Variants in QSER1 observed in about 807,000 individuals in gnomAD.
QSER1 encodes the protein glutamine and serine rich 1, also known as glutamine and serine-rich protein 1.
In QSER1, 49 loss-of-function variants were observed where a neutral mutation model predicts 158.5. The observed-to-expected ratio is 0.31, with a 90% CI of 0.25 to 0.39. QSER1 has a LOEUF of 0.39. Among genes scored for constraint, QSER1 ranks in the 10% least tolerant of loss-of-function variants. The probability of loss-of-function intolerance (pLI) is 1.00; values close to 1 mark genes in which losing one functional copy is unlikely to be tolerated. For synonymous variants in QSER1, 650 were observed against 715.5 expected (o/e 0.91, Z 1.46); for missense variants, 1,754 against 2,010.3 (o/e 0.87, Z 2.44).
At chr11:32,917,835 A>C (rs12417599) in intron 1 of QSER1, among the ~76,000 whole-genome samples, 6,998 of 150,982 alleles carry the variant, frequency 0.046, 237 homozygotes, top group Non-Finnish European at 0.072. Flanking sequence ...AAAAAAAAAA[A>C]AAAAAAAAAC....
At chr11:32,969,812 G>A (rs994926945) in intron 10 of QSER1, among the ~76,000 whole-genome samples, 4 of 151,608 alleles carry the variant, frequency 2.6e-5, no homozygotes, top group African/African-American at 7.3e-5. Flanking sequence ...AGCCTCCTGA[G>A]TAGCTGGGAC....
chr11:32,976,606 C>A lies in QSER1; in HGVS notation c.*132C>A. 1 of 978,192 alleles carries A rather than the reference C, an allele frequency of 1.0e-6. No individual in the cohort carries two copies. The highest frequency in any genetic ancestry group is 2.6e-5 in the East Asian group (1 of 37,846). 60.6% of individuals were successfully genotyped at this position (978,192 alleles called of 1,614,324 possible). ...TCCATCATGGAACTGTCATTACCAC[C>A]TCTGCTGAAGGACAGTGGTGCGGCC... On this transcript the variant is annotated 3_prime_UTR_variant, in exon 13 of 13. Transcript: ENST00000650167.
chr11:32,931,989 T>A lies in QSER1; in HGVS notation c.731T>A (p.Phe244Tyr). Residue 244 changes from phenylalanine to tyrosine, a missense_variant, in exon 4 of 13, where the codon TTT becomes TAT. Physicochemically the swap from Phe to Tyr is conservative, Grantham distance 22 (BLOSUM62 3). Coordinates refer to ENST00000650167, the MANE Select transcript of QSER1 (RefSeq NM_001076786.3). Reference sequence around the variant, plus strand: ...GGAACTGTTCCAACTGCTTTGGCATTTGAGCGCCTGGGCAGTTCTGTATTA... The same window carrying A: ...GGAACTGTTCCAACTGCTTTGGCATATGAGCGCCTGGGCAGTTCTGTATTA... Reference protein sequence around the residue: ...SQGTVPTALAFERLGSSVLSN... With the variant: ...SQGTVPTALAYERLGSSVLSN... 6.2e-7 allele frequency: 1 copy of A among 1,614,240 alleles called. No homozygotes were observed. The highest frequency in any genetic ancestry group is 1.6e-4 in the Middle Eastern group (1 of 6,062).
intron 11 of QSER1, 83 bp from the exon 12 acceptor site, chr11:32,975,165 A>G: frequency 1.1e-6 from 1 of 925,844 alleles, no homozygotes. Flanking sequence ...TGCCATTGAG[A>G]CTTTTGATCT....
intron 1 of QSER1, among the ~76,000 whole-genome samples, chr11:32,897,044 T>C (rs1461453650): frequency 6.6e-6 from 1 of 152,252 alleles, no homozygotes. Context: ...AGCTGTCATT[T>C]ACATCACTAG....
intron 4 of QSER1, among the ~76,000 whole-genome samples, chr11:32,944,126 C>CT (rs1374640930): frequency 2.0e-5 from 3 of 152,006 alleles, no homozygotes; most frequent in African/African-American, 4.8e-5. Context: ...TCTTCTCTCT[C>CT]TTTTTCTTAA....
rs1203596213 is a variant in QSER1, at chr11:32,893,772, G to A, written c.209+438G>A. On this transcript the variant is annotated intron_variant, in intron 1 of 12. Transcript: ENST00000650167. This position sits in a 1 kb window ranked among gnomAD's most constrained non-coding sequence, Gnocchi z 4.7. The stretch of plus-strand genomic sequence containing the variant: ...GGTCTTGGGGACTCCGGCGTGTGAG[G>A]GTTGCGGAGGCGGGAGAGGAAGAGT... Among the ~76,000 whole-genome samples the A allele has an allele frequency of 2.6e-5, 4 of 152,184 alleles. No homozygotes were observed. The East Asian group carries it at 7.7e-4, about 29-fold the overall frequency.
chr11:32,941,174 G>A (rs1590171114), intron 4 of QSER1, among the ~76,000 whole-genome samples: 1 of 150,772 alleles, frequency 6.6e-6, no homozygotes, highest in East Asian at 1.9e-4. Context: ...ATGAAGAATG[G>A]TCAGGGGTTC....
At chr11:32,976,282 C>T (rs1257884138) in intron 12 of QSER1, 52 bp from the exon 13 acceptor site, 18 of 1,438,216 alleles carry the variant, frequency 1.3e-5, no homozygotes, top group Non-Finnish European at 1.6e-5. Flanking sequence ...TGTAGTTGAA[C>T]TTAAATATGA....
intron 8 of QSER1, 70 bp from the exon 9 acceptor site, chr11:32,966,230 G>A (rs546939961): frequency 1.4e-5 from 22 of 1,520,628 alleles, no homozygotes; most frequent in South Asian, 1.4e-4. Context: ...CTAGGGTCTC[G>A]TTATAGAGAA....
chr11:32,956,445 C>T (rs1713036342), intron 7 of QSER1, among the ~76,000 whole-genome samples: 1 of 151,922 alleles, frequency 6.6e-6, no homozygotes, highest in South Asian at 2.1e-4. Flanking sequence ...CCTGAAGCTC[C>T]CTTTTTCATC....
intron 9 of QSER1, among the ~76,000 whole-genome samples, chr11:32,966,995 C>T (rs1161632831): frequency 6.6e-6 from 1 of 152,092 alleles, no homozygotes; most frequent in Non-Finnish European, 1.5e-5. Flanking sequence ...CCAGCAGTCC[C>T]AGTACTGAGT....
At chr11:32,959,719 T>TA (rs59052869) in intron 8 of QSER1, among the ~76,000 whole-genome samples, 2,407 of 152,152 alleles carry the variant, frequency 0.016, 69 homozygotes, top group African/African-American at 0.054. Flanking sequence ...AGAACCATAA[T>TA]AAAAAAAATT....
intron 1 of QSER1, among the ~76,000 whole-genome samples, chr11:32,912,226 G>A (rs1199702300): frequency 1.3e-5 from 2 of 152,102 alleles, no homozygotes; most frequent in African/African-American, 2.4e-5. Flanking sequence ...CTCAAACTCA[G>A]TGCTTTCAAA....
chr11:32,925,214 G>T (rs1353345700), intron 1 of QSER1, among the ~76,000 whole-genome samples: 1 of 152,148 alleles, frequency 6.6e-6, no homozygotes, highest in Non-Finnish European at 1.5e-5. Context: ...CTTTTTGGTA[G>T]AATGACTTGT....
chr11:32,957,915 C>A lies in QSER1; in HGVS notation c.4798C>A (p.Leu1600Ile). 1 of 1,614,120 alleles carries A rather than the reference C, an allele frequency of 6.2e-7. No individual in the cohort carries two copies. Among genetic ancestry groups the A allele is most frequent in the East Asian group, 2.2e-5 (1 of 44,856 alleles). ...TAGTAGCAGTAAAACTTCTGATCCT[C>A]TAGCATCAAAAACTACAACTACAAA... ...PSSSSKTSDP[L>I]ASKTTTTKAP... Residue 1600 changes from leucine to isoleucine, a missense_variant, in exon 8 of 13, where the codon CTA becomes ATA. This residue lies in a region of QSER1 where 1,707 missense variants were observed against 1,919.6 expected (regional missense o/e 0.89). Transcript: ENST00000650167.
intron 1 of QSER1, among the ~76,000 whole-genome samples, chr11:32,898,962 T>TC (rs1322171524): frequency 6.6e-6 from 1 of 152,172 alleles, no homozygotes; most frequent in East Asian, 1.9e-4. Context: ...TATCCCCACC[T>TC]CCCAGACTGA....
At chr11:32,904,563 A>G (rs1446412883) in intron 1 of QSER1, among the ~76,000 whole-genome samples, 1 of 151,342 alleles carries the variant, frequency 6.6e-6, no homozygotes, top group Non-Finnish European at 1.5e-5. Flanking sequence ...ATGAAGAGGT[A>G]AATGAGAGGA....
chr11:32,978,522 G>A lies in QSER1; in HGVS notation c.*2048G>A, dbSNP rs1203939430. 1 of 152,128 alleles carries A rather than the reference G, an allele frequency of 6.6e-6. No individual in the cohort carries two copies. Among genetic ancestry groups the A allele is most frequent in the East Asian group, 1.9e-4 (1 of 5,200 alleles). The allele number at this position is 152,128 out of a possible 1,614,324, so 9.4% of individuals were successfully genotyped here. On this transcript the variant is annotated 3_prime_UTR_variant, in exon 13 of 13. Coordinates refer to ENST00000650167, the MANE Select transcript of QSER1 (RefSeq NM_001076786.3). ...GCCACCTTAATTTAGGTAGCTCTTG[G>A]AATCGATGTTTGAATTCACTAGCCA...
Sources: gnomAD v4.1 joint callset for allele counts (sites outside exome capture counted in the v4.1 genomes callset) on GRCh38, gnomAD v4.1.1 for gene constraint, gnomAD v4.1.1 regional missense constraint, Gnocchi (gnomAD v3.1) non-coding constraint, MANE v1.5 for transcripts, NCBI Gene and HGNC (gene_info 2026-07-23, HGNC 2026-07-21) for gene names.